The following EYS variants were observed in gnomAD, a reference collection of about 807,000 sequenced individuals.
The protein encoded by EYS is EGF-like photoreceptor maintenance factor.
In EYS, 250 loss-of-function variants were observed where a neutral mutation model predicts 282.1. The observed-to-expected ratio is 0.89, with a 90% CI of 0.80 to 0.98. The LOEUF (loss-of-function observed/expected upper bound fraction) is 0.98. EYS is among the 50% of genes least tolerant of loss of function. The pLI, the probability that EYS is intolerant of heterozygous loss-of-function variation, is 0.00. For missense variants in EYS, 4,016 were observed against 3,709.0 expected (o/e 1.08, Z -2.15); for synonymous variants, 1,355 against 1,282.9 (o/e 1.06, Z -1.20).
At chr6:64,632,150 C>A (rs943502247) in intron 22 of EYS, among the ~76,000 whole-genome samples, 9 of 151,994 alleles carry the variant, frequency 5.9e-5, no homozygotes, top group African/African-American at 2.2e-4. Flanking sequence ...ATAAACTTCA[C>A]TGAAGCCAAG....
At chr6:64,284,337 T>G (rs1218513546) in intron 30 of EYS, among the ~76,000 whole-genome samples, 1 of 152,184 alleles carries the variant, frequency 6.6e-6, no homozygotes, top group Admixed American at 6.5e-5. Context: ...AGCTCCCAAA[T>G]GATCTCTTTG....
intron 2 of EYS, among the ~76,000 whole-genome samples, chr6:65,608,926 T>G (rs913249483): frequency 2.0e-5 from 3 of 152,000 alleles, no homozygotes; most frequent in African/African-American, 7.2e-5. Flanking sequence ...AGCTGTTATC[T>G]CCTATGATAA....
At chr6:64,587,874 C>T (rs1040758619) in intron 26 of EYS, among the ~76,000 whole-genome samples, 4 of 152,058 alleles carry the variant, frequency 2.6e-5, no homozygotes, top group African/African-American at 7.2e-5. Flanking sequence ...GAAGCTGACC[C>T]GCATGTATAC....
rs188117549 is a variant in EYS at position 64,875,808 on chromosome 6, A to G, written c.2992+10889T>C. 2.6e-4 allele frequency among the ~76,000 whole-genome samples: 39 copies of G among 152,170 alleles called. No homozygotes were observed. The East Asian group carries it at 7.5e-3, about 29-fold the overall frequency. ...CTATCTATTATATATAATTTATCTG[A>G]GGCCAATTACTCTAAAATATGTGAT... On this transcript the variant is annotated intron_variant, in intron 19 of 42. Transcript: ENST00000503581.
intron 24 of EYS, among the ~76,000 whole-genome samples, chr6:64,612,345 G>A (rs1423586696): frequency 6.6e-6 from 1 of 152,100 alleles, no homozygotes; most frequent in Non-Finnish European, 1.5e-5. Context: ...GTTAATGCAT[G>A]GAGATCAATC....
intron 22 of EYS, among the ~76,000 whole-genome samples, chr6:64,757,736 TTTTTTCTTTG>T (rs754504084): frequency 0.075 from 9,895 of 131,104 alleles, 418 homozygotes; most frequent in East Asian, 0.2. Flanking sequence ...TTTTTTTTCT[TTTTTTCTTTG>T]TGTGTGTGTG....
chr6:65,343,695 A>G (rs1444031063), intron 10 of EYS, among the ~76,000 whole-genome samples: 2 of 151,254 alleles, frequency 1.3e-5, no homozygotes, highest in African/African-American at 2.4e-5. Context: ...CCAAAAGACA[A>G]ATGCATTTCA....
intron 26 of EYS, among the ~76,000 whole-genome samples, chr6:64,569,981 G>A (rs1020017816): frequency 3.3e-5 from 5 of 152,090 alleles, no homozygotes; most frequent in Non-Finnish European, 7.4e-5. Context: ...ACCCCAAGTA[G>A]AATAATCCTC....
At chr6:65,016,904 G>A (rs900663292) in intron 13 of EYS, among the ~76,000 whole-genome samples, 25 of 152,118 alleles carry the variant, frequency 1.6e-4, no homozygotes, top group Non-Finnish European at 1.9e-4. Flanking sequence ...ATCCTTAAGG[G>A]ACATTAAGTG....
chr6:64,691,721 A>G (rs1352294101), intron 22 of EYS, among the ~76,000 whole-genome samples: 1 of 152,108 alleles, frequency 6.6e-6, no homozygotes, highest in Non-Finnish European at 1.5e-5. Flanking sequence ...TTCAATGTTT[A>G]GCTCCCTTTT....
chr6:63,858,430 A>G (rs1772448868), intron 36 of EYS, among the ~76,000 whole-genome samples: 1 of 152,184 alleles, frequency 6.6e-6, no homozygotes, highest in Non-Finnish European at 1.5e-5. Flanking sequence ...GCTTTTAAAT[A>G]TGTGCCAACC....
chr6:65,601,142 A>T (rs1765605455), intron 2 of EYS, among the ~76,000 whole-genome samples: 1 of 151,946 alleles, frequency 6.6e-6, no homozygotes, highest in Non-Finnish European at 1.5e-5. Flanking sequence ...AGGGGCATTT[A>T]TATTGTTTCA....
intron 12 of EYS, among the ~76,000 whole-genome samples, chr6:65,178,413 G>T (rs1484268360): frequency 6.6e-6 from 1 of 151,910 alleles, no homozygotes; most frequent in Non-Finnish European, 1.5e-5. Context: ...GAAGTAAAGA[G>T]AATGGGGGGT....
intron 12 of EYS, among the ~76,000 whole-genome samples, chr6:65,232,074 C>T (rs1051123644): frequency 6.6e-6 from 1 of 151,892 alleles, no homozygotes; most frequent in Non-Finnish European, 1.5e-5. Context: ...AAAAGCAGGT[C>T]TGTAGAAGAT....
intron 35 of EYS, among the ~76,000 whole-genome samples, chr6:63,926,630 T>G (rs1312991049): frequency 6.6e-6 from 1 of 152,238 alleles, no homozygotes; most frequent in Non-Finnish European, 1.5e-5. Context: ...GGGCCACATT[T>G]TGACAGTTAG....
chr6:65,266,291 A>T (rs1381197371), intron 12 of EYS, among the ~76,000 whole-genome samples: 1 of 151,866 alleles, frequency 6.6e-6, no homozygotes, highest in Non-Finnish European at 1.5e-5. Context: ...GACTTTAAGG[A>T]CTGGTTAGAG....
intron 12 of EYS, among the ~76,000 whole-genome samples, chr6:65,100,558 A>C (rs956815668): frequency 6.6e-6 from 1 of 150,960 alleles, no homozygotes; most frequent in Non-Finnish European, 1.5e-5. Flanking sequence ...AAAAAGGAAC[A>C]AAATTATGTT....
At chr6:63,916,369 G>C (rs1764423173) in intron 35 of EYS, among the ~76,000 whole-genome samples, 1 of 152,164 alleles carries the variant, frequency 6.6e-6, no homozygotes, top group African/African-American at 2.4e-5. Context: ...TCATATCCTT[G>C]CCTTAACTGT....
intron 22 of EYS, among the ~76,000 whole-genome samples, chr6:64,654,239 G>T (rs1345813260): frequency 5.3e-5 from 8 of 152,144 alleles, no homozygotes; most frequent in Non-Finnish European, 8.8e-5. Flanking sequence ...TCTTATAAAA[G>T]TTCAATTGTC....
Sources: allele counts gnomAD v4.1 joint callset (sites outside exome capture counted in the v4.1 genomes callset), GRCh38; gene constraint gnomAD v4.1.1; transcripts MANE v1.5; gene names NCBI Gene and HGNC (gene_info 2026-07-23, HGNC 2026-07-21).